Variants in RBM27 observed in about 807,000 individuals in gnomAD.
The protein encoded by RBM27 is RNA binding motif protein 27, also known as RNA-binding protein 27.
RBM27 carries 22 observed loss-of-function variants against 135.3 expected under a neutral mutation model. The observed-to-expected ratio is 0.16, with a 90% CI of 0.12 to 0.23. RBM27 has a LOEUF of 0.23. Ranked by LOEUF, RBM27 falls within the 10% of genes least tolerant of loss-of-function variation. RBM27 has a pLI of 1.00. For synonymous variants in RBM27, 481 were observed against 442.4 expected, an observed-to-expected ratio of 1.09 and a Z score of -1.10; for missense variants, 1,009 against 1,281.0, an observed-to-expected ratio of 0.79 and a Z score of 3.24.
intron 8 of RBM27, among the ~76,000 whole-genome samples, chr5:146,250,839 C>T (rs1299867842): frequency 3.6e-5 from 5 of 138,884 alleles, no homozygotes; most frequent in Admixed American, 7.9e-5. Context: ...TGCAGTGGCA[C>T]GATCTTGGCT....
chr5:146,213,058 A>G (rs906502759), intron 1 of RBM27, among the ~76,000 whole-genome samples: 13 of 151,816 alleles, frequency 8.6e-5, no homozygotes, highest in African/African-American at 3.1e-4. Flanking sequence ...TCCTTCGTCT[A>G]GTTTATCATA....
intron 3 of RBM27, 74 bp downstream of exon 3, chr5:146,223,601 G>T (rs1470166949): frequency 1.3e-6 from 2 of 1,490,344 alleles, no homozygotes; most frequent in Non-Finnish European, 1.8e-6. Flanking sequence ...TGGAAGTTGA[G>T]CCTTTTAAAA....
At chr5:146,238,947 A>G (rs775034728) in intron 8 of RBM27, among the ~76,000 whole-genome samples, 2 of 152,224 alleles carry the variant, frequency 1.3e-5, no homozygotes, top group Non-Finnish European at 2.9e-5. Flanking sequence ...ATAAATTAAT[A>G]CATCTAAAGC....
chr5:146,280,354 C>CT (rs1391984968), intron 19 of RBM27, among the ~76,000 whole-genome samples: 1 of 152,164 alleles, frequency 6.6e-6, no homozygotes, highest in Non-Finnish European at 1.5e-5. Flanking sequence ...CACGCCCGAC[C>CT]TATTTCCTTA....
At chr5:146,218,948 G>GT (rs1251791023) in intron 1 of RBM27, 37 bp from the exon 2 acceptor site, 9 of 1,373,538 alleles carry the variant, frequency 6.6e-6, no homozygotes, top group African/African-American at 2.9e-5. Flanking sequence ...GATAAAAAGT[G>GT]TTTTTTAAAA....
chr5:146,231,113 C>G (rs1347564118), intron 6 of RBM27, among the ~76,000 whole-genome samples, 196 bp downstream of exon 6: 1 of 152,048 alleles, frequency 6.6e-6, no homozygotes, highest in African/African-American at 2.4e-5. Flanking sequence ...CCTCCATCTC[C>G]CGGGTTCAAG....
chr5:146,236,843 C>T (rs1023175907), intron 7 of RBM27, among the ~76,000 whole-genome samples: 1 of 150,812 alleles, frequency 6.6e-6, no homozygotes, highest in African/African-American at 2.4e-5. Context: ...AAGCTGATCT[C>T]GAACTTTTGA....
intron 2 of RBM27, among the ~76,000 whole-genome samples, chr5:146,221,023 C>G (rs951234132): frequency 3.3e-5 from 5 of 151,866 alleles, no homozygotes; most frequent in African/African-American, 1.2e-4. Context: ...TGAGACCATC[C>G]TGGCTAACAG....
rs771471223 is a variant in RBM27, at chr5:146,229,940, CTG to C, written c.589+32_589+33del. On this transcript the variant is annotated intron_variant, in intron 5 of 20. Coordinates refer to ENST00000265271, the MANE Select transcript of RBM27 (RefSeq NM_018989.2). The stretch of plus-strand genomic sequence containing the variant: ...GTAGATGAGTGTCCCCCTAAAAACT[CTG>C]TAGTTATTTATCTGTCTCTATCACA... 10 of 1,610,370 alleles carry C rather than the reference CTG, an allele frequency of 6.2e-6. No homozygotes were observed. In the Admixed American group the frequency reaches 6.7e-5, roughly 11 times the overall value.
chr5:146,218,506 C>T (rs1756308536), intron 1 of RBM27, among the ~76,000 whole-genome samples: 1 of 152,136 alleles, frequency 6.6e-6, no homozygotes, highest in African/African-American at 2.4e-5. Context: ...CTGAGATTAG[C>T]AAAAGGGCTG....
intron 1 of RBM27, among the ~76,000 whole-genome samples, chr5:146,212,932 A>G (rs912847484): frequency 2.0e-5 from 3 of 152,116 alleles, no homozygotes; most frequent in Non-Finnish European, 4.4e-5. Flanking sequence ...CAATAAGAGA[A>G]TGGTTACCTT....
chr5:146,265,191 C>T (rs1758563672), intron 14 of RBM27, among the ~76,000 whole-genome samples: 1 of 152,032 alleles, frequency 6.6e-6, no homozygotes, highest in Non-Finnish European at 1.5e-5. Flanking sequence ...CTGGAAACAA[C>T]CCAAATACCC....
At chr5:146,212,436 C>T (rs1354418449) in intron 1 of RBM27, among the ~76,000 whole-genome samples, 2 of 151,440 alleles carry the variant, frequency 1.3e-5, no homozygotes, top group Non-Finnish European at 2.9e-5. Flanking sequence ...GTAGCCTCAA[C>T]CTTCCAGGAT....
At chr5:146,263,786 C>T (rs550818799) in intron 14 of RBM27, among the ~76,000 whole-genome samples, 155 bp downstream of exon 14, 2 of 152,150 alleles carry the variant, frequency 1.3e-5, no homozygotes, top group Non-Finnish European at 2.9e-5. Flanking sequence ...CAGAAATTTG[C>T]TGGTGAAATT....
chr5:146,249,793 T>C (rs531391536), intron 8 of RBM27, among the ~76,000 whole-genome samples: 4 of 152,256 alleles, frequency 2.6e-5, no homozygotes, highest in South Asian at 4.1e-4. Context: ...TACTTTTTTT[T>C]CCCCATCAAC....
chr5:146,249,724 AAAAG>A (rs1324400454), intron 8 of RBM27, among the ~76,000 whole-genome samples: 1 of 151,920 alleles, frequency 6.6e-6, no homozygotes, highest in African/African-American at 2.4e-5. Context: ...AAAAAAGAAA[AAAAG>A]AAAATATGTT....
chr5:146,240,055 G>A (rs960473591), intron 8 of RBM27, among the ~76,000 whole-genome samples: 2 of 152,184 alleles, frequency 1.3e-5, no homozygotes, highest in South Asian at 2.1e-4. Context: ...GGGATTACAG[G>A]CGTGAGCCAC....
At chr5:146,217,649 A>G (rs1266703338) in intron 1 of RBM27, among the ~76,000 whole-genome samples, 1 of 151,768 alleles carries the variant, frequency 6.6e-6, no homozygotes, top group Non-Finnish European at 1.5e-5. Context: ...AGGCCCAAGG[A>G]TTATAGAACA....
intron 1 of RBM27, among the ~76,000 whole-genome samples, chr5:146,206,549 TAAAA>T (rs35369287): frequency 6.9e-6 from 1 of 144,858 alleles, no homozygotes; most frequent in Admixed American, 6.9e-5. Context: ...TCATTTAGGG[TAAAA>T]AAAAAAAGGC....
Sources: allele counts gnomAD v4.1 joint callset (sites outside exome capture counted in the v4.1 genomes callset), GRCh38; gene constraint gnomAD v4.1.1; transcripts MANE v1.5; gene names NCBI Gene and HGNC (gene_info 2026-07-23, HGNC 2026-07-21).